The following VCL variants were observed in gnomAD, a reference collection of about 807,000 sequenced individuals.
The protein encoded by VCL is epididymis luminal protein 114.
In VCL, 47 loss-of-function variants were observed where a neutral mutation model predicts 125.7. That is an observed-to-expected ratio of 0.37 (90% confidence interval 0.30 to 0.48). The LOEUF (loss-of-function observed/expected upper bound fraction) is 0.48, where lower values mean the gene tolerates loss of function less well. Ranked by LOEUF, VCL falls within the 20% of genes least tolerant of loss-of-function variation. VCL has a pLI of 0.99. For synonymous variants in VCL, 458 were observed against 514.6 expected (o/e 0.89, Z 1.49); for missense variants, 1,069 against 1,455.5 (o/e 0.73, Z 4.32).
intron 1 of VCL, 111 bp downstream of exon 1, chr10:73,998,486 T>C: frequency 8.5e-7 from 1 of 1,173,350 alleles, no homozygotes; most frequent in Non-Finnish European, 1.1e-6. Flanking sequence ...TCCGCGTGGG[T>C]TCCGGAGCCA....
At chr10:74,023,537 A>G (rs530048047) in intron 1 of VCL, among the ~76,000 whole-genome samples, 6 of 152,330 alleles carry the variant, frequency 3.9e-5, no homozygotes, top group East Asian at 1.9e-4. Context: ...AATTCTCTCA[A>G]TTCTGACTAA....
At chr10:74,004,025 C>T (rs1352544725) in intron 1 of VCL, among the ~76,000 whole-genome samples, 1 of 152,180 alleles carries the variant, frequency 6.6e-6, no homozygotes, top group Non-Finnish European at 1.5e-5. Flanking sequence ...CCAGCCTACT[C>T]TGATCTTAAA....
intron 10 of VCL, among the ~76,000 whole-genome samples, chr10:74,093,480 A>G (rs184290018): frequency 6.0e-4 from 92 of 152,198 alleles, no homozygotes; most frequent in Non-Finnish European, 8.2e-4. Flanking sequence ...TAAGGATTAA[A>G]TAATATAAGG....
intron 1 of VCL, among the ~76,000 whole-genome samples, chr10:74,000,983 C>T (rs1457237283): frequency 6.6e-6 from 1 of 152,090 alleles, no homozygotes; most frequent in East Asian, 1.9e-4. Flanking sequence ...TAAGTCACTT[C>T]CAGGTTACAG....
At chr10:74,039,352 C>T (rs2136246214) in intron 1 of VCL, among the ~76,000 whole-genome samples, 1 of 147,008 alleles carries the variant, frequency 6.8e-6, no homozygotes, top group Middle Eastern at 3.4e-3. Context: ...GTTTTCACTA[C>T]TTAAGTAGTG....
intron 1 of VCL, among the ~76,000 whole-genome samples, chr10:74,041,497 A>G (rs1841092817): frequency 6.6e-6 from 1 of 152,162 alleles, no homozygotes; most frequent in African/African-American, 2.4e-5. Flanking sequence ...GACATTTAAT[A>G]TTTTGATAAT....
At chr10:74,001,094 A>G (rs994165502) in intron 1 of VCL, among the ~76,000 whole-genome samples, 5 of 152,208 alleles carry the variant, frequency 3.3e-5, no homozygotes, top group African/African-American at 9.6e-5. Flanking sequence ...GGCCTTATCC[A>G]AAAGGATGAA....
intron 1 of VCL, among the ~76,000 whole-genome samples, chr10:74,010,248 A>G (rs1309145452): frequency 6.6e-6 from 1 of 152,208 alleles, no homozygotes; most frequent in Admixed American, 6.5e-5. Context: ...TTAACAAGTT[A>G]CAAAAAGATT....
intron 18 of VCL, among the ~76,000 whole-genome samples, chr10:74,110,602 T>A (rs1840205231): frequency 6.6e-6 from 1 of 152,204 alleles, no homozygotes; most frequent in Non-Finnish European, 1.5e-5. Context: ...TGGGTCTTGG[T>A]TGAGTTTAGG....
chr10:74,049,625 G>A lies in VCL; in HGVS notation c.239+6472G>A, dbSNP rs117847869. Among the ~76,000 whole-genome samples, 799 of 152,226 alleles carry A rather than the reference G, an allele frequency of 5.2e-3. 24 individuals carry two copies. Among genetic ancestry groups the A allele is most frequent in the East Asian group, 7.3e-3 (38 of 5,176 alleles). ...ATGACCAAGTCATGAGGGCCTGTGGGGAGAGGGGCACATGGTGGGGGTGGT... is the reference window on the plus strand; with the variant it reads ...ATGACCAAGTCATGAGGGCCTGTGGAGAGAGGGGCACATGGTGGGGGTGGT... On this transcript the variant is annotated intron_variant, in intron 2 of 21. Coordinates refer to ENST00000211998, the MANE Select transcript of VCL (RefSeq NM_014000.3).
At chr10:74,038,885 C>G (rs1841035312) in intron 1 of VCL, among the ~76,000 whole-genome samples, 1 of 151,918 alleles carries the variant, frequency 6.6e-6, no homozygotes, top group Non-Finnish European at 1.5e-5. Context: ...CTTTTTATTT[C>G]ATTGATTTAG....
At chr10:74,115,412 A>G (rs576227129) in intron 21 of VCL, among the ~76,000 whole-genome samples, 3 of 139,700 alleles carry the variant, frequency 2.1e-5, no homozygotes, top group Non-Finnish European at 3.2e-5. Flanking sequence ...AAATAAATAA[A>G]TAAATAAGTA....
At chr10:74,106,442 C>T (rs1320469369) in intron 16 of VCL, among the ~76,000 whole-genome samples, 1 of 152,178 alleles carries the variant, frequency 6.6e-6, no homozygotes, top group Admixed American at 6.5e-5. Flanking sequence ...GGCCCTACAC[C>T]TAAAGAAAAT....
At chr10:74,074,009 CCT>C (rs1396866449) in intron 5 of VCL, among the ~76,000 whole-genome samples, 1 of 152,114 alleles carries the variant, frequency 6.6e-6, no homozygotes, top group Non-Finnish European at 1.5e-5. Context: ...GGGTGGATCA[CCT>C]GAGGTCAGGA....
At chr10:74,002,950 C>A (rs1036612412) in intron 1 of VCL, among the ~76,000 whole-genome samples, 3 of 150,062 alleles carry the variant, frequency 2.0e-5, no homozygotes, top group African/African-American at 7.4e-5. Flanking sequence ...TTTGTAATTT[C>A]ATGTATATTT....
intron 1 of VCL, among the ~76,000 whole-genome samples, chr10:74,001,256 G>T (rs937827432): frequency 6.6e-6 from 1 of 152,204 alleles, no homozygotes; most frequent in African/African-American, 2.4e-5. Context: ...CGTTAAATAT[G>T]TGGATTCTGT....
At chr10:74,075,071 C>A in intron 6 of VCL, 168 bp downstream of exon 6, 1 of 881,030 alleles carries the variant, frequency 1.1e-6, no homozygotes, top group Non-Finnish European at 1.7e-6. Context: ...TACTTGCTAT[C>A]TTTGCTAATT....
At chr10:74,014,606 C>T (rs970635376) in intron 1 of VCL, among the ~76,000 whole-genome samples, 8 of 151,560 alleles carry the variant, frequency 5.3e-5, no homozygotes, top group Admixed American at 2.6e-4. Flanking sequence ...GTACCCAGGC[C>T]ATTCACTGAA....
At chr10:74,100,575 GTCT>G (rs1412867280) in intron 13 of VCL, among the ~76,000 whole-genome samples, 5 of 152,316 alleles carry the variant, frequency 3.3e-5, no homozygotes, top group African/African-American at 1.2e-4. Flanking sequence ...GGGCTTGACT[GTCT>G]TCTTCAAACT....
Sources: allele counts gnomAD v4.1 joint callset (sites outside exome capture counted in the v4.1 genomes callset), GRCh38; gene constraint gnomAD v4.1.1; transcripts MANE v1.5; gene names NCBI Gene and HGNC (gene_info 2026-07-23, HGNC 2026-07-21).